The following PHF21A variants were observed in gnomAD, a reference collection of about 807,000 sequenced individuals.
PHF21A encodes the protein PHD finger protein 21A, also known as BHC80a.
Under a neutral mutation model 82.5 loss-of-function variants are expected in PHF21A, and 11 were observed. That is an observed-to-expected ratio of 0.13 (90% CI 0.08 to 0.22). The LOEUF (loss-of-function observed/expected upper bound fraction) is 0.22, where lower values mean the gene tolerates loss of function less well. PHF21A is among the 10% of genes least tolerant of loss of function. The pLI, the probability that PHF21A is intolerant of heterozygous loss-of-function variation, is 1.00. For synonymous variants in PHF21A, 297 were observed against 302.8 expected, an observed-to-expected ratio of 0.98 and a Z score of 0.20; for missense variants, 579 against 837.8, an observed-to-expected ratio of 0.69 and a Z score of 3.81.
intron 6 of PHF21A, among the ~76,000 whole-genome samples, chr11:46,020,764 T>C (rs1451750009): frequency 2.0e-5 from 3 of 152,106 alleles, no homozygotes; most frequent in African/African-American, 7.2e-5. Context: ...ATAGTTATGG[T>C]TGAAAAACAT....
chr11:46,074,087 AAATAGTGACTATCTGC>A (rs2096690713), intron 6 of PHF21A, among the ~76,000 whole-genome samples: 1 of 152,144 alleles, frequency 6.6e-6, no homozygotes, highest in Admixed American at 6.5e-5. Context: ...CTACCGCAAG[AAATAGTGACTATCTGC>A]AATGGTTTTG....
chr11:46,058,986 C>A (rs1392220307), intron 6 of PHF21A, among the ~76,000 whole-genome samples: 1 of 152,156 alleles, frequency 6.6e-6, no homozygotes, highest in Admixed American at 6.6e-5. Flanking sequence ...CCAGTTCCAG[C>A]CCCTAAAACT....
chr11:45,942,466 T>TC (rs549492104), intron 15 of PHF21A, among the ~76,000 whole-genome samples: 10 of 152,192 alleles, frequency 6.6e-5, no homozygotes, highest in Non-Finnish European at 1.5e-4. Flanking sequence ...TGGCAATACT[T>TC]CAACTGAGAA....
intron 10 of PHF21A, among the ~76,000 whole-genome samples, chr11:45,954,185 C>T (rs1049038327): frequency 1.3e-5 from 2 of 152,020 alleles, no homozygotes; most frequent in South Asian, 2.1e-4. Context: ...GTAGTAGAGA[C>T]GGGGTTTCAC....
chr11:45,962,348 C>A (rs1479144298), intron 10 of PHF21A, among the ~76,000 whole-genome samples: 1 of 152,068 alleles, frequency 6.6e-6, no homozygotes. Flanking sequence ...TGGCTACATA[C>A]ATTACATTGT....
chr11:46,037,640 C>CAAAAAAAA (rs1000939610), intron 6 of PHF21A, among the ~76,000 whole-genome samples: 2 of 59,060 alleles, frequency 3.4e-5, no homozygotes, highest in African/African-American at 5.3e-5. Context: ...AACGTCATCT[C>CAAAAAAAA]AAAAAAAAAA....
intron 6 of PHF21A, among the ~76,000 whole-genome samples, chr11:46,018,677 G>T (rs555647141): frequency 6.6e-6 from 1 of 152,142 alleles, no homozygotes; most frequent in African/African-American, 2.4e-5. Flanking sequence ...AGATAATTTG[G>T]TAAACATGAA....
chr11:45,941,919 G>A (rs909886770), intron 15 of PHF21A, among the ~76,000 whole-genome samples: 22 of 152,142 alleles, frequency 1.4e-4, no homozygotes, highest in African/African-American at 4.8e-4. Context: ...GTGGCAACAC[G>A]GTACATCCAG....
chr11:45,989,054 T>C lies in PHF21A; in HGVS notation c.154-9088A>G, dbSNP rs940034105. ...TTACTTTCTGACAAGACACCCCTCG[T>C]CAAACAACAGGGAGGGTGCAAGTTC... On this transcript the variant is annotated intron_variant, in intron 6 of 18. Coordinates refer to ENST00000676320, the MANE Select transcript of PHF21A (RefSeq NM_001352027.3). Among the ~76,000 whole-genome samples, 3 of 152,158 alleles carry C rather than the reference T, an allele frequency of 2.0e-5. No homozygotes were observed. The East Asian group carries it at 5.8e-4, about 29-fold the overall frequency.
intron 18 of PHF21A, chr11:45,934,723 A>AAGT: frequency 3.1e-6 from 1 of 317,674 alleles, no homozygotes; most frequent in Non-Finnish European, 6.2e-6. Flanking sequence ...ACGACAGGCC[A>AAGT]GCAGCATTTA....
At chr11:46,030,815 G>A (rs1314239123) in intron 6 of PHF21A, among the ~76,000 whole-genome samples, 1 of 101,208 alleles carries the variant, frequency 9.9e-6, no homozygotes, top group East Asian at 3.1e-4. Context: ...TAGTGTGTGT[G>A]TGTGCGTGTG....
chr11:46,109,980 C>CAA (rs771228626), intron 1 of PHF21A, among the ~76,000 whole-genome samples: 1 of 73,376 alleles, frequency 1.4e-5, no homozygotes, highest in African/African-American at 5.2e-5. Context: ...GACTCCGTGT[C>CAA]AAAAAAAAAA....
In PHF21A at chr11:46,084,310, G is replaced by T; in HGVS notation, c.-83-8C>A. On this transcript the variant is annotated splice_region_variant and splice_polypyrimidine_tract_variant and intron_variant, in intron 3 of 18. Transcript: ENST00000676320. The stretch of plus-strand genomic sequence containing the variant: ...CTCCTCTTCTCACTGCAGCTGTAAA[G>T]ATCATAAAATGTTTTGGATCATTAC... The T allele has an allele frequency of 1.2e-6, 1 of 862,170 alleles. No individual in the cohort carries two copies. Among genetic ancestry groups the T allele is most frequent in the Non-Finnish European group, 1.8e-6 (1 of 556,104 alleles). The allele number at this position is 862,170 out of a possible 1,614,324, so 53.4% of individuals were successfully genotyped here.
chr11:46,062,438 T>A (rs1592679342), intron 6 of PHF21A, among the ~76,000 whole-genome samples: 1 of 152,204 alleles, frequency 6.6e-6, no homozygotes, highest in East Asian at 1.9e-4. Context: ...ACTCCAATTT[T>A]GTTTTCCAAC....
intron 6 of PHF21A, chr11:46,027,100 G>A (rs1311608407): frequency 1.3e-5 from 2 of 152,170 alleles, no homozygotes; most frequent in African/African-American, 4.8e-5. Context: ...ACACAGCACA[G>A]CAATCTAGCA....
At chr11:46,005,134 G>T (rs2095263723) in intron 6 of PHF21A, among the ~76,000 whole-genome samples, 1 of 152,108 alleles carries the variant, frequency 6.6e-6, no homozygotes, top group African/African-American at 2.4e-5. Flanking sequence ...AAAAATTCAG[G>T]TTGAGCATCT....
At chr11:46,038,553 T>C (rs2096063912) in intron 6 of PHF21A, among the ~76,000 whole-genome samples, 1 of 152,198 alleles carries the variant, frequency 6.6e-6, no homozygotes, top group African/African-American at 2.4e-5. Flanking sequence ...GTTTATGATA[T>C]AATACCTGAA....
intron 14 of PHF21A, 32 bp downstream of exon 14, chr11:45,948,854 G>A (rs969178356): frequency 1.9e-5 from 30 of 1,558,038 alleles, no homozygotes; most frequent in Non-Finnish European, 2.7e-5. Context: ...AAAAGCAACA[G>A]CAGCAAGGGA....
chr11:46,034,554 C>A (rs2095947695), intron 6 of PHF21A, among the ~76,000 whole-genome samples: 1 of 152,144 alleles, frequency 6.6e-6, no homozygotes, highest in South Asian at 2.1e-4. Flanking sequence ...TATTAAATCT[C>A]TAATCCACTT....
Sources: allele counts gnomAD v4.1 joint callset (sites outside exome capture counted in the v4.1 genomes callset), GRCh38; gene constraint gnomAD v4.1.1; transcripts MANE v1.5; gene names NCBI Gene and HGNC (gene_info 2026-07-23, HGNC 2026-07-21).